SLC26A3: variants seen among roughly 807,000 people sequenced by gnomAD.
The protein encoded by SLC26A3 is solute carrier family 26 member 3, also known as chloride anion exchanger.
A neutral mutation model predicts 85.6 loss-of-function variants in SLC26A3; 64 were observed. The ratio of observed to expected loss-of-function variants is 0.75; its 90% CI spans 0.61 to 0.92. The LOEUF is 0.92. SLC26A3 is among the 40% of genes least tolerant of loss of function. The probability of loss-of-function intolerance (pLI) is 0.00; values close to 1 mark genes in which losing one functional copy is unlikely to be tolerated. For missense variants in SLC26A3, 922 were observed against 927.3 expected (o/e 0.99, Z 0.07); for synonymous variants, 349 against 336.0 (o/e 1.04, Z -0.42).
chr7:107,793,820 G>A lies in SLC26A3; in HGVS notation c.193C>T (p.Pro65Ser). ...LSLFPIASWL[P>S]AYRLKEWLLS... ...AACCATTCTTTAAGCCGGTATGCTGGCAACCAAGATGCTATGGGGAACAAA... is the reference window on the plus strand; with the variant it reads ...AACCATTCTTTAAGCCGGTATGCTGACAACCAAGATGCTATGGGGAACAAA... The change falls in exon 3 of 21, where the codon CCA becomes TCA. Residue 65 changes from proline to serine, a missense_variant. Pro to Ser is a moderately conservative substitution (Grantham distance 74, BLOSUM62 -1). Coordinates refer to ENST00000340010, the MANE Select transcript of SLC26A3 (RefSeq NM_000111.3). 6.2e-7 allele frequency: 1 copy of A among 1,614,088 alleles called. No individual in the cohort carries two copies.
intron 1 of SLC26A3, among the ~76,000 whole-genome samples, chr7:107,797,740 C>CTTTTTTCTTTTTTT (rs1794534101): frequency 7.8e-6 from 1 of 127,448 alleles, no homozygotes. Flanking sequence ...TGAGCAGGAC[C>CTTTTTTCTTTTTTT]TTTTTTTTTT....
In SLC26A3 at chr7:107,797,170, C is replaced by CGA. The variant is rs1562883054; in HGVS notation, c.-88-2574_-88-2573insTC. Among the ~76,000 whole-genome samples the CGA allele has an allele frequency of 3.9e-3, 590 of 151,686 alleles. 5 individuals are homozygous for CGA. Among genetic ancestry groups the CGA allele is most frequent in the African/African-American group, 0.013 (547 of 41,328 alleles). On this transcript the variant is annotated intron_variant, in intron 1 of 20. Transcript: ENST00000340010. ...ATACCCAAGCACTGCCTGCAAGGGC[C>CGA]CTGCTCAGGGTAGGAATCAGGGGAG...
intron 20 of SLC26A3, among the ~76,000 whole-genome samples, chr7:107,766,388 A>T (rs550695603): frequency 6.6e-6 from 1 of 152,142 alleles, no homozygotes; most frequent in Non-Finnish European, 1.5e-5. Context: ...TTCTGAATAC[A>T]ATTACTGAGG....
At chr7:107,787,050 T>G in intron 7 of SLC26A3, 141 bp from the exon 8 acceptor site, 1 of 806,762 alleles carries the variant, frequency 1.2e-6, no homozygotes, top group South Asian at 1.4e-5. Context: ...TTTTAAGAAA[T>G]TCGGAGGCAA....
At position 107,782,835 on chromosome 7, in the gene SLC26A3, C is replaced by A. The variant is rs146161125; in HGVS notation, c.1273G>T (p.Val425Phe). 4 of 1,614,084 alleles carry A rather than the reference C, an allele frequency of 2.5e-6. No homozygotes were observed. Among genetic ancestry groups the A allele is most frequent in the South Asian group, 1.1e-5 (1 of 91,082 alleles). Residue 425 changes from valine to phenylalanine, a missense_variant, in exon 11 of 21, where the codon GTT becomes TTT. Transcript: ENST00000340010. ...LIGAIIVLIV[V>F]LAIGFLLAPL... ...GCCAGGAGAAATCCAATGGCTAGAA[C>A]GACAATCAGCACGATGATGGCACCA...
intron 15 of SLC26A3, among the ~76,000 whole-genome samples, chr7:107,775,359 C>T (rs1794093306): frequency 1.3e-5 from 2 of 151,124 alleles, no homozygotes; most frequent in East Asian, 1.9e-4. Context: ...TTGTTTTTTT[C>T]AACACTAATG....
chr7:107,783,762 A>G (rs1000050117), intron 8 of SLC26A3, among the ~76,000 whole-genome samples: 16 of 152,240 alleles, frequency 1.1e-4, no homozygotes, highest in Middle Eastern at 3.2e-3. Flanking sequence ...CAATTGTGAG[A>G]CAAGGAAAGC....
rs10247487 is a variant in SLC26A3, at chr7:107,779,909, C to T, written c.1312-146G>A. 0.26 allele frequency: 184,154 copies of T among 709,922 alleles called. 25,251 individuals carry two copies. The highest frequency in any genetic ancestry group is 0.37 in the Middle Eastern group (1,600 of 4,310). 44.0% of individuals were successfully genotyped at this position (709,922 alleles called of 1,614,324 possible). A position where few individuals can be genotyped will look rare whatever the true frequency, so the allele number is the denominator to read the frequency against. ...CACCCTTTTCCGGTGTGCGATGCCACGCAAGACACACCAGAACTGGGACTC... is the reference window on the plus strand; with the variant it reads ...CACCCTTTTCCGGTGTGCGATGCCATGCAAGACACACCAGAACTGGGACTC... On this transcript the variant is annotated intron_variant, in intron 11 of 20. Transcript: ENST00000340010.
At position 107,767,889 on chromosome 7, in the gene SLC26A3, A is replaced by G. The variant is rs1174603229; in HGVS notation, c.2082T>C (p.Leu694=). 6.2e-7 allele frequency: 1 copy of G among 1,613,492 alleles called. No homozygotes were observed. The highest frequency in any genetic ancestry group is 2.2e-5 in the East Asian group (1 of 44,870). The change falls in exon 19 of 21, where the codon CTT becomes CTC. Residue 694 remains leucine, a synonymous_variant. Transcript: ENST00000340010. ...VGTDDDFIEK[L]NRYEFFDGEV... ...CACCATCAAAAAATTCATACCGGTT[A>G]AGCTTCTCAATGAAGTCATCTGAAG... is the stretch of plus-strand genomic sequence containing the variant.
chr7:107,794,151 A>G (rs1003083541), intron 2 of SLC26A3, among the ~76,000 whole-genome samples: 3 of 152,078 alleles, frequency 2.0e-5, no homozygotes, highest in Admixed American at 2.0e-4. Flanking sequence ...CTCTGTCCCC[A>G]TCTGTTAGTT....
chr7:107,792,961 C>A (rs1454897227), intron 3 of SLC26A3, among the ~76,000 whole-genome samples: 3 of 152,036 alleles, frequency 2.0e-5, no homozygotes, highest in African/African-American at 7.2e-5. Context: ...AAAAGATATA[C>A]AAATGGCCAA....
At chr7:107,785,245 A>G (rs973407107) in intron 8 of SLC26A3, among the ~76,000 whole-genome samples, 1 of 152,240 alleles carries the variant, frequency 6.6e-6, no homozygotes, top group Non-Finnish European at 1.5e-5. Context: ...TCATATTTAC[A>G]GCCAAGAACA....
In SLC26A3 at chr7:107,778,316, A is replaced by G. The variant is rs747749586; in HGVS notation, c.1408-35T>C. On this transcript the variant is annotated intron_variant, in intron 12 of 20. Coordinates refer to ENST00000340010, the MANE Select transcript of SLC26A3 (RefSeq NM_000111.3). The stretch of plus-strand genomic sequence containing the variant: ...GAAAGCAACACATACACTACAATTT[A>G]CTTTGATTAAAGTACAATGTCGAGA... The G allele has an allele frequency of 1.9e-5, 25 of 1,294,092 alleles. No individual in the cohort carries two copies. In the Admixed American group the frequency reaches 4.3e-4, roughly 22 times the overall value. 80.2% of individuals were successfully genotyped at this position (1,294,092 alleles called of 1,614,324 possible). A position where few individuals can be genotyped will look rare whatever the true frequency, so the allele number is the denominator to read the frequency against.
At chr7:107,783,933 C>A (rs2115847470) in intron 8 of SLC26A3, among the ~76,000 whole-genome samples, 1 of 152,304 alleles carries the variant, frequency 6.6e-6, no homozygotes, top group Non-Finnish European at 1.5e-5. Flanking sequence ...GTCAGAGAAA[C>A]CTTCAACTCA....
rs759400588 is a variant in SLC26A3, at chr7:107,767,566, TGAA to T, written c.2271+10_2271+12del. The T allele has an allele frequency of 6.3e-7, 1 of 1,591,086 alleles. No individual in the cohort carries two copies. The highest frequency in any genetic ancestry group is 2.2e-5 in the East Asian group (1 of 44,784). On this transcript the variant is annotated intron_variant, in intron 20 of 20. Coordinates refer to ENST00000340010, the MANE Select transcript of SLC26A3 (RefSeq NM_000111.3). Reference sequence around the variant, plus strand: ...GATGTCTAGGTGAAGATAAACCTGTTGAAGAATCTTACCTCATATACCCGATTA... The same window carrying T: ...GATGTCTAGGTGAAGATAAACCTGTTGAATCTTACCTCATATACCCGATTA...
chr7:107,765,785 A>C lies in SLC26A3; in HGVS notation c.*70T>G, dbSNP rs1306823997. 1 of 1,135,630 alleles carries C rather than the reference A, an allele frequency of 8.8e-7. No homozygotes were observed. The highest frequency in any genetic ancestry group is 1.5e-5 in the African/African-American group (1 of 65,844). The allele number at this position is 1,135,630 out of a possible 1,614,324, so 70.3% of individuals were successfully genotyped here. On this transcript the variant is annotated 3_prime_UTR_variant, in exon 21 of 21. Transcript: ENST00000340010. The stretch of plus-strand genomic sequence containing the variant: ...TCTTCGTACAATGTATGAACTTATC[A>C]ATAACTTTCTGGGTATAAAGTTGTT...
Position 107,789,685 on chromosome 7 carries a change from C to G in SLC26A3, c.574G>C (p.Ala192Pro), listed in dbSNP as rs1169032777. Residue 192 changes from alanine (A) to proline (P), a missense_variant, in exon 6 of 21, where the codon GCT (alanine) becomes CCT (proline). Physicochemically the swap from Ala to Pro is conservative, Grantham distance 27. Transcript: ENST00000340010. ...VTVLSGIIQL[A>P]FGILRIGFVV... ...AATCCAATCCGCAGAATCCCAAAAGCCAACTGGAAAGAGAACAAAAGCCTT... is the reference window on the plus strand; with the variant it reads ...AATCCAATCCGCAGAATCCCAAAAGGCAACTGGAAAGAGAACAAAAGCCTT... 1 of 1,612,962 alleles carries G rather than the reference C, an allele frequency of 6.2e-7. No homozygotes were observed. Among genetic ancestry groups the G allele is most frequent in the South Asian group, 1.1e-5 (1 of 90,746 alleles).
rs1381869077 is a variant in SLC26A3, at chr7:107,794,488, G to C, written c.22C>G (p.Gln8Glu). The change falls in exon 2 of 21, where the codon CAG becomes GAG. Residue 8 changes from glutamine (Q) to glutamate (E), a missense_variant. Physicochemically the swap from Gln to Glu is conservative, Grantham distance 29 (BLOSUM62 2). Coordinates refer to ENST00000340010, the MANE Select transcript of SLC26A3 (RefSeq NM_000111.3). MIEPFGN[Q>E]YIVARPVYST... ...TACACTGGCCTGGCCACAATATACT[G>C]ATTCCCAAAGGGTTCAATCATTTTG... 2 of 1,613,870 alleles carry C rather than the reference G, an allele frequency of 1.2e-6. No homozygotes were observed. The highest frequency in any genetic ancestry group is 1.7e-6 in the Non-Finnish European group (2 of 1,179,930).
At chr7:107,768,867 G>A (rs1793958760) in intron 18 of SLC26A3, among the ~76,000 whole-genome samples, 1 of 152,188 alleles carries the variant, frequency 6.6e-6, no homozygotes, top group Non-Finnish European at 1.5e-5. Flanking sequence ...TTTACAGAAA[G>A]CTTTCAGTGA....
Sources: allele counts gnomAD v4.1 joint callset (sites outside exome capture counted in the v4.1 genomes callset), GRCh38; gene constraint gnomAD v4.1.1; transcripts MANE v1.5; gene names NCBI Gene and HGNC (gene_info 2026-07-23, HGNC 2026-07-21).